PDE3A: variants seen among roughly 807,000 people sequenced by gnomAD.
PDE3A encodes the protein cGMP-inhibited 3',5'-cyclic phosphodiesterase 3A.
PDE3A carries 43 observed loss-of-function variants against 98.3 expected under a neutral mutation model. The observed-to-expected ratio is 0.44, with a 90% CI of 0.34 to 0.56. The LOEUF is 0.56. PDE3A is among the 20% of genes least tolerant of loss of function. The pLI, the probability that PDE3A is intolerant of heterozygous loss-of-function variation, is 0.01. For synonymous variants in PDE3A, 663 were observed against 567.9 expected, an observed-to-expected ratio of 1.17 and a Z score of -2.38; for missense variants, 1,427 against 1,440.7, an observed-to-expected ratio of 0.99 and a Z score of 0.15.
intron 2 of PDE3A, among the ~76,000 whole-genome samples, chr12:20,568,804 A>ATGTT (rs1942724431): frequency 6.6e-6 from 1 of 151,986 alleles, no homozygotes; most frequent in Non-Finnish European, 1.5e-5. Flanking sequence ...TTATTTTACT[A>ATGTT]TGTTTGACCT....
intron 15 of PDE3A, among the ~76,000 whole-genome samples, chr12:20,654,976 G>A (rs1945010656): frequency 6.6e-6 from 1 of 151,878 alleles, no homozygotes; most frequent in Admixed American, 6.6e-5. Context: ...CTCTGTGCCA[G>A]GTATCCTTCC....
At chr12:20,546,527 G>A (rs1942063153) in intron 1 of PDE3A, among the ~76,000 whole-genome samples, 1 of 152,056 alleles carries the variant, frequency 6.6e-6, no homozygotes, top group South Asian at 2.1e-4. Flanking sequence ...CACATGGAAT[G>A]CTGCAGAGAG....
At chr12:20,465,026 G>C (rs1310975787) in intron 1 of PDE3A, among the ~76,000 whole-genome samples, 1 of 152,096 alleles carries the variant, frequency 6.6e-6, no homozygotes, top group Non-Finnish European at 1.5e-5. Context: ...TAGAAGTTTA[G>C]CCGTTGTGCA....
chr12:20,468,020 T>C (rs1377685793), intron 1 of PDE3A, among the ~76,000 whole-genome samples: 1 of 131,716 alleles, frequency 7.6e-6, no homozygotes, highest in Non-Finnish European at 1.6e-5. Flanking sequence ...GAAACACTTA[T>C]AAAATTAATA....
intron 1 of PDE3A, among the ~76,000 whole-genome samples, chr12:20,470,767 TC>T (rs1447879206): frequency 2.0e-5 from 3 of 152,120 alleles, no homozygotes; most frequent in African/African-American, 7.2e-5. Flanking sequence ...TTGCATTGTG[TC>T]CTTTTCCCCC....
chr12:20,556,788 T>G (rs1224925895), intron 2 of PDE3A, 78 bp downstream of exon 2: 2 of 1,024,592 alleles, frequency 2.0e-6, no homozygotes, highest in East Asian at 2.4e-5. Context: ...ACTCAAGAGA[T>G]AATAAAATGT....
rs558448222 is a variant in PDE3A at position 20,676,560 on chromosome 12, C to T, written c.3185-3470C>T. ...TGTCCCCCATGCTGGAGTGCAGTGG[C>T]GTGATCTCAGCTCACTGCAAGCTCC... is the stretch of plus-strand genomic sequence containing the variant. On this transcript the variant is annotated intron_variant, in intron 15 of 15. Transcript: ENST00000359062. Among the ~76,000 whole-genome samples, 37 of 139,366 alleles carry T rather than the reference C, an allele frequency of 2.7e-4. No individual in the cohort carries two copies. In the East Asian group the frequency reaches 4.2e-3, roughly 16 times the overall value. 91.4% of individuals were successfully genotyped at this position (139,366 alleles called of 152,430 possible). A position where few individuals can be genotyped will look rare whatever the true frequency, so the allele number is the denominator to read the frequency against.
At chr12:20,553,681 G>A (rs2121260929) in intron 1 of PDE3A, among the ~76,000 whole-genome samples, 1 of 152,326 alleles carries the variant, frequency 6.6e-6, no homozygotes, top group South Asian at 2.1e-4. Context: ...ACGCAGAAAT[G>A]GCCTCAAGGG....
At chr12:20,487,616 G>A (rs991442312) in intron 1 of PDE3A, among the ~76,000 whole-genome samples, 15 of 149,768 alleles carry the variant, frequency 1.0e-4, no homozygotes, top group African/African-American at 3.0e-4. Flanking sequence ...TTGCGCCACT[G>A]CACTCCAGCC....
At chr12:20,408,110 G>A (rs574819514) in intron 1 of PDE3A, among the ~76,000 whole-genome samples, 8 of 152,068 alleles carry the variant, frequency 5.3e-5, no homozygotes, top group South Asian at 2.1e-4. Context: ...TAGTAGAGAT[G>A]GGGTTTCACC....
At chr12:20,535,763 G>A (rs1382406094) in intron 1 of PDE3A, among the ~76,000 whole-genome samples, 1 of 152,148 alleles carries the variant, frequency 6.6e-6, no homozygotes, top group Non-Finnish European at 1.5e-5. Flanking sequence ...TATTGGATAT[G>A]TGATTATTAA....
rs58496505 is a variant in PDE3A at position 20,687,914 on chromosome 12, G to GAAAAAAAAAAAAAA, written c.*7653_*7666dup. 6.4e-4 allele frequency among the ~76,000 whole-genome samples: 60 copies of GAAAAAAAAAAAAAA among 94,260 alleles called. 5 individuals are homozygous for GAAAAAAAAAAAAAA. The highest frequency in any genetic ancestry group is 2.4e-3 in the African/African-American group (55 of 23,398). 61.8% of individuals were successfully genotyped at this position (94,260 alleles called of 152,430 possible). A position where few individuals can be genotyped will look rare whatever the true frequency, so the allele number is the denominator to read the frequency against. Reference sequence around the variant, plus strand: ...GACCAGTCATTACCTCTTCCCAACAGAAAAAAAAAAAAAAAAAAAAAAACT... The same window carrying GAAAAAAAAAAAAAA: ...GACCAGTCATTACCTCTTCCCAACAGAAAAAAAAAAAAAAAAAAAAAAAAAAAAAAAAAAAAACT... On this transcript the variant is annotated 3_prime_UTR_variant, in exon 16 of 16. Coordinates refer to ENST00000359062, the MANE Select transcript of PDE3A (RefSeq NM_000921.5).
intron 1 of PDE3A, among the ~76,000 whole-genome samples, chr12:20,532,711 C>T (rs1291612091): frequency 1.6e-5 from 2 of 125,624 alleles, no homozygotes; most frequent in Admixed American, 1.9e-4. Context: ...TTTTTTGAGA[C>T]GGAGTCTCGC....
At chr12:20,663,997 G>A (rs1246089902) in intron 15 of PDE3A, among the ~76,000 whole-genome samples, 6 of 152,044 alleles carry the variant, frequency 3.9e-5, no homozygotes, top group Admixed American at 1.3e-4. Context: ...CATGGGGGTG[G>A]TTATTGTCAT....
In PDE3A at chr12:20,369,355, C is replaced by T; in HGVS notation, c.71C>T (p.Thr24Met). The T allele has an allele frequency of 6.5e-7, 1 of 1,548,778 alleles. No individual in the cohort carries two copies. Among genetic ancestry groups the T allele is most frequent in the Non-Finnish European group, 8.7e-7 (1 of 1,146,548 alleles). Residue 24 changes from threonine to methionine, a missense_variant, in exon 1 of 16, where the codon ACG becomes ATG. Coordinates refer to ENST00000359062, the MANE Select transcript of PDE3A (RefSeq NM_000921.5). ...CACAGTGGGGTGAGTCAAGCCCCCA[C>T]GGCGGGCCGGGACTGCCACCATCGT... ...PVHSGVSQAP[T>M]AGRDCHHRAD...
rs1472136882 is a variant in PDE3A, at chr12:20,386,082, A to AATATATATAAATATATATAAAT, written c.960+15845_960+15846insTAAATATATATAAATATATATA. ...TATAAATATATATAAAATATATATA[A>AATATATATAAATATATATAAAT]ATATATAAATATATATAAATATATA... is the stretch of plus-strand genomic sequence containing the variant. On this transcript the variant is annotated intron_variant, in intron 1 of 15. Coordinates refer to ENST00000359062, the MANE Select transcript of PDE3A (RefSeq NM_000921.5). Among the ~76,000 whole-genome samples, 110 of 27,300 alleles carry AATATATATAAATATATATAAAT rather than the reference A, an allele frequency of 4.0e-3. 7 individuals are homozygous for AATATATATAAATATATATAAAT. The highest frequency in any genetic ancestry group is 0.011 in the African/African-American group (108 of 9,568). The allele number at this position is 27,300 out of a possible 152,430, so 17.9% of individuals were successfully genotyped here. A position where few individuals can be genotyped will look rare whatever the true frequency, so the allele number is the denominator to read the frequency against.
At position 20,633,698 on chromosome 12, in the gene PDE3A, G is replaced by T. The variant is rs752816321; in HGVS notation, c.1766G>T (p.Gly589Val). 6 of 1,604,544 alleles carry T rather than the reference G, an allele frequency of 3.7e-6. No homozygotes were observed. Among genetic ancestry groups the T allele is most frequent in the African/African-American group, 1.3e-5 (1 of 74,600 alleles). Residue 589 changes from glycine (G) to valine (V), a missense_variant, in exon 7 of 16, where the codon GGC becomes GTC. Gly to Val is a moderately radical substitution (Grantham distance 109). This residue lies in a region of PDE3A where 1,012 missense variants were observed against 886.5 expected (regional missense o/e 1.14). Coordinates refer to ENST00000359062, the MANE Select transcript of PDE3A (RefSeq NM_000921.5). Reference protein sequence around the residue: ...LTPPVICSSCGRPYSQGNPAD... With the variant: ...LTPPVICSSCVRPYSQGNPAD... ...GCTCTTCCAATATTTTTTAGCTGTG[G>T]CAGACCATATTCCCAAGGGAATCCT...
intron 1 of PDE3A, among the ~76,000 whole-genome samples, chr12:20,409,465 A>G (rs755134859): frequency 2.0e-5 from 3 of 152,194 alleles, no homozygotes; most frequent in Non-Finnish European, 4.4e-5. Flanking sequence ...CTACAATTTG[A>G]TACTATGTAG....
At chr12:20,570,677 TTG>T (rs1443707110) in intron 2 of PDE3A, among the ~76,000 whole-genome samples, 14 of 152,294 alleles carry the variant, frequency 9.2e-5, no homozygotes, top group African/African-American at 3.4e-4. Flanking sequence ...ATTCATTTTT[TTG>T]TTTCTGAGCA....
Sources: allele counts gnomAD v4.1 joint callset (sites outside exome capture counted in the v4.1 genomes callset), GRCh38; gene constraint gnomAD v4.1.1; regional missense constraint gnomAD v4.1.1; transcripts MANE v1.5; gene names NCBI Gene and HGNC (gene_info 2026-07-23, HGNC 2026-07-21).